The following RBM20 variants were observed in gnomAD, a reference collection of about 807,000 sequenced individuals.
The protein encoded by RBM20 is RNA binding motif protein 20.
A neutral mutation model predicts 110.1 loss-of-function variants in RBM20; 51 were observed. That is an observed-to-expected ratio of 0.46 (90% confidence interval 0.37 to 0.59). RBM20 has a LOEUF of 0.59. RBM20 is among the 20% of genes least tolerant of loss of function. RBM20 has a pLI of 0.00. For missense variants in RBM20, 1,512 were observed against 1,574.9 expected (o/e 0.96, Z 0.68); for synonymous variants, 589 against 618.2 (o/e 0.95, Z 0.70).
intron 1 of RBM20, among the ~76,000 whole-genome samples, chr10:110,757,352 C>T (rs963875942): frequency 6.6e-6 from 1 of 152,140 alleles, no homozygotes; most frequent in Non-Finnish European, 1.5e-5. Context: ...TCTTTATACT[C>T]CCTGAGTGTT....
intron 5 of RBM20, among the ~76,000 whole-genome samples, chr10:110,796,832 C>T (rs1484853279): frequency 6.6e-6 from 1 of 152,178 alleles, no homozygotes; most frequent in Non-Finnish European, 1.5e-5. Context: ...ATGATTGAGC[C>T]ATCCTTTACT....
chr10:110,651,883 G>A (rs534628020), intron 1 of RBM20, among the ~76,000 whole-genome samples: 45 of 152,332 alleles, frequency 3.0e-4, no homozygotes, highest in Middle Eastern at 3.4e-3. Context: ...ATCCTCCTGC[G>A]CTGGCAATAG....
intron 1 of RBM20, among the ~76,000 whole-genome samples, chr10:110,721,947 A>T (rs72823852): frequency 0.033 from 4,996 of 152,026 alleles, 115 homozygotes; most frequent in Non-Finnish European, 0.053. Flanking sequence ...GCAGAGATTT[A>T]TCTCCTCTCC....
chr10:110,674,313 C>T (rs1862302003), intron 1 of RBM20, among the ~76,000 whole-genome samples: 1 of 152,198 alleles, frequency 6.6e-6, no homozygotes, highest in Non-Finnish European at 1.5e-5. Flanking sequence ...CTGCACCTGG[C>T]TCTCCTGTTC....
rs79420259 is a variant in RBM20 at position 110,715,632 on chromosome 10, A to G, written c.192-65169A>G. The stretch of plus-strand genomic sequence containing the variant: ...TTTCTCACTCATTCACAAATCCTAC[A>G]TGATTTGGTTGGGTGAATATTGAGG... On this transcript the variant is annotated intron_variant, in intron 1 of 13. Transcript: ENST00000369519. Among the ~76,000 whole-genome samples the G allele has an allele frequency of 6.1e-3, 936 of 152,276 alleles. 9 individuals are homozygous for G. The highest frequency in any genetic ancestry group is 0.021 in the African/African-American group (882 of 41,542).
chr10:110,758,436 C>G (rs1843950245), intron 1 of RBM20, among the ~76,000 whole-genome samples: 1 of 152,088 alleles, frequency 6.6e-6, no homozygotes, highest in South Asian at 2.1e-4. Context: ...AGAGAGTAAA[C>G]CATATGTCCT....
intron 1 of RBM20, among the ~76,000 whole-genome samples, chr10:110,766,761 A>G (rs1363546340): frequency 2.0e-5 from 3 of 151,432 alleles, no homozygotes; most frequent in Non-Finnish European, 3.0e-5. Flanking sequence ...CGATTTCTCA[A>G]TCTTTTCCCC....
At chr10:110,784,672 C>G in intron 4 of RBM20, 120 bp from the exon 5 acceptor site, 1 of 744,908 alleles carries the variant, frequency 1.3e-6, no homozygotes, top group South Asian at 1.6e-5. Context: ...TACAATCATG[C>G]CAATCACTAA....
intron 1 of RBM20, among the ~76,000 whole-genome samples, chr10:110,760,785 G>A (rs1843987570): frequency 1.3e-5 from 2 of 149,714 alleles, no homozygotes; most frequent in South Asian, 4.3e-4. Context: ...TTTTAAAATA[G>A]GTATGTTTAT....
intron 1 of RBM20, among the ~76,000 whole-genome samples, chr10:110,730,430 C>G (rs983975299): frequency 6.6e-6 from 1 of 152,244 alleles, no homozygotes; most frequent in Non-Finnish European, 1.5e-5. Context: ...GCCCCTCCCC[C>G]TTTCACAGGT....
intron 7 of RBM20, among the ~76,000 whole-genome samples, chr10:110,808,649 C>G (rs1844724857): frequency 6.6e-6 from 1 of 152,172 alleles, no homozygotes; most frequent in South Asian, 2.1e-4. Flanking sequence ...CTCCATATGA[C>G]AAGAGGTGAG....
At chr10:110,726,479 G>T (rs1227724049) in intron 1 of RBM20, among the ~76,000 whole-genome samples, 1 of 152,164 alleles carries the variant, frequency 6.6e-6, no homozygotes. Context: ...AGTTTCACTG[G>T]TGCATAGCTT....
At position 110,780,983 on chromosome 10, in the gene RBM20, C is replaced by A; in HGVS notation, c.374C>A (p.Ser125Tyr). The change falls in exon 2 of 14, where the codon TCC becomes TAC. Residue 125 changes from serine to tyrosine, a missense_variant. Physicochemically the swap from Ser to Tyr is moderately radical, Grantham distance 144 (BLOSUM62 -2). Around this residue, in one of 3 missense-constraint regions of RBM20, gnomAD observed 1,149 missense variants for 1,169.4 expected, o/e 0.98. Transcript: ENST00000369519. ...AAATVLNQVL[S>Y]KVAMSQPLFN... ...GCCACAGTCCTGAACCAAGTCCTCT[C>A]CAAAGTGGCCATGTCCCAGCCTCTC... 1 of 1,551,800 alleles carries A rather than the reference C, an allele frequency of 6.4e-7. No homozygotes were observed. Among genetic ancestry groups the A allele is most frequent in the South Asian group, 1.2e-5 (1 of 84,062 alleles).
chr10:110,799,909 G>A lies in RBM20; in HGVS notation c.1791G>A (p.Leu597=), dbSNP rs201432122. The A allele has an allele frequency of 2.4e-5, 38 of 1,551,990 alleles. No homozygotes were observed. Among genetic ancestry groups the A allele is most frequent in the Non-Finnish European group, 6.1e-6 (7 of 1,147,004 alleles). ...GGATGTCCAAGAGATACAAGGAATT[G>A]CAGCTCAAGGTAAAGCATTATCTTG... The part of the protein sequence containing the change: ...LIRMSKRYKE[L]QLKKPGKAVA... Residue 597 remains leucine (L), a synonymous_variant, in exon 7 of 14, where the codon TTG becomes TTA. Transcript: ENST00000369519.
At chr10:110,778,358 T>C (rs1183876004) in intron 1 of RBM20, among the ~76,000 whole-genome samples, 1 of 152,242 alleles carries the variant, frequency 6.6e-6, no homozygotes, top group Non-Finnish European at 1.5e-5. Context: ...CAAATGTGCT[T>C]TGTACTTACA....
intron 1 of RBM20, among the ~76,000 whole-genome samples, chr10:110,774,727 T>G (rs528598783): frequency 1.3e-5 from 2 of 152,298 alleles, no homozygotes; most frequent in South Asian, 2.1e-4. Flanking sequence ...ATGAGTGAGT[T>G]AAACTAAATT....
In RBM20 at chr10:110,663,160, G is replaced by A. The variant is rs139644000; in HGVS notation, c.191+18515G>A. On this transcript the variant is annotated intron_variant, in intron 1 of 13. Transcript: ENST00000369519. ...TTTTGTATTTTAGTAGAGTCGGGGC[G>A]TTGCCCAGACTGGTCTCGACCTCCT... Among the ~76,000 whole-genome samples the A allele has an allele frequency of 1.2e-3, 188 of 151,800 alleles. 1 individual carries two copies. The highest frequency in any genetic ancestry group is 3.9e-3 in the African/African-American group (163 of 41,380).
At position 110,836,075 on chromosome 10, in the gene RBM20, T is replaced by G. The variant is rs1845124834; in HGVS notation, c.*97T>G. 2 of 589,994 alleles carry G rather than the reference T, an allele frequency of 3.4e-6. No individual in the cohort carries two copies. The highest frequency in any genetic ancestry group is 3.0e-6 in the Non-Finnish European group (1 of 329,276). 36.5% of individuals were successfully genotyped at this position (589,994 alleles called of 1,614,324 possible). On this transcript the variant is annotated 3_prime_UTR_variant, in exon 14 of 14. Coordinates refer to ENST00000369519, the MANE Select transcript of RBM20 (RefSeq NM_001134363.3). ...TGATTCTGGGGACAGGACTAAAGCC[T>G]GAGAGGAAGGAAAACCAAGCAGGGC...
At position 110,710,831 on chromosome 10, in the gene RBM20, G is replaced by A. The variant is rs76672972; in HGVS notation, c.191+66186G>A. On this transcript the variant is annotated intron_variant, in intron 1 of 13. Coordinates refer to ENST00000369519, the MANE Select transcript of RBM20 (RefSeq NM_001134363.3). The stretch of plus-strand genomic sequence containing the variant: ...CCCTTATCCCAAAGACAGGCTTCAT[G>A]TGAGTCCCAGGCTCTGGACTTGTGG... Among the ~76,000 whole-genome samples the A allele has an allele frequency of 1.7e-3, 254 of 152,326 alleles. 1 individual carries two copies. The highest frequency in any genetic ancestry group is 6.8e-3 in the Middle Eastern group (2 of 294).
Sources: allele counts gnomAD v4.1 joint callset (sites outside exome capture counted in the v4.1 genomes callset), GRCh38; gene constraint gnomAD v4.1.1; regional missense constraint gnomAD v4.1.1; transcripts MANE v1.5; gene names NCBI Gene and HGNC (gene_info 2026-07-23, HGNC 2026-07-21).